Variants in ERCC6L2 observed in about 807,000 individuals in gnomAD.
ERCC6L2 encodes DNA excision repair protein ERCC-6-like 2.
A neutral mutation model predicts 132.0 loss-of-function variants in ERCC6L2; 77 were observed. The ratio of observed to expected loss-of-function variants is 0.58; its 90% CI spans 0.49 to 0.71. The LOEUF (loss-of-function observed/expected upper bound fraction) is 0.71. ERCC6L2 is among the 30% of genes least tolerant of loss of function. The pLI is 0.00. For synonymous variants in ERCC6L2, 583 were observed against 632.4 expected, an observed-to-expected ratio of 0.92 and a Z score of 1.17; for missense variants, 1,542 against 1,837.6, an observed-to-expected ratio of 0.84 and a Z score of 2.94.
intron 3 of ERCC6L2, among the ~76,000 whole-genome samples, chr9:95,903,286 G>A (rs1282658728): frequency 6.6e-6 from 1 of 152,014 alleles, no homozygotes; most frequent in Non-Finnish European, 1.5e-5. Flanking sequence ...ATTTCTAGAC[G>A]TATTATTCTG....
chr9:95,900,478 G>T (rs912136488), intron 3 of ERCC6L2, among the ~76,000 whole-genome samples: 1 of 151,910 alleles, frequency 6.6e-6, no homozygotes, highest in Non-Finnish European at 1.5e-5. Flanking sequence ...TAAATTATCT[G>T]TGGCCCTAAT....
At chr9:95,923,470 T>G (rs777163187) in intron 9 of ERCC6L2, 91 bp downstream of exon 9, 67 of 1,430,092 alleles carry the variant, frequency 4.7e-5, no homozygotes, top group Non-Finnish European at 6.2e-5. Context: ...TCAGAACAGG[T>G]GCTCAGTCAT....
intron 13 of ERCC6L2, among the ~76,000 whole-genome samples, chr9:95,965,394 G>T (rs1226125468): frequency 6.6e-6 from 1 of 152,138 alleles, no homozygotes; most frequent in Admixed American, 6.6e-5. Context: ...GAAATAAAAT[G>T]CTATACATGT....
intron 2 of ERCC6L2, among the ~76,000 whole-genome samples, chr9:95,894,523 T>C (rs1301635703): frequency 2.6e-5 from 4 of 151,920 alleles, no homozygotes; most frequent in Non-Finnish European, 5.9e-5. Context: ...AAAGAACATA[T>C]TCTGTATGGT....
Position 96,012,414 on chromosome 9 carries a change from AG to A in ERCC6L2, c.3866del (p.Gly1289GlufsTer16), listed in dbSNP as rs1481727747. 1 of 1,362,178 alleles carries A rather than the reference AG, an allele frequency of 7.3e-7. No individual in the cohort carries two copies. The highest frequency in any genetic ancestry group is 1.5e-5 in the African/African-American group (1 of 67,660). 84.4% of individuals were successfully genotyped at this position (1,362,178 alleles called of 1,614,324 possible). A position where few individuals can be genotyped will look rare whatever the true frequency, so the allele number is the denominator to read the frequency against. On this transcript the variant is annotated frameshift_variant, in exon 19 of 19. Coordinates refer to ENST00000653738, the MANE Select transcript of ERCC6L2 (RefSeq NM_020207.7). LOFTEE classifies it low-confidence loss of function (END_TRUNC). ...AATTCAACAATTCTTCCTTTGAGAA[AG>A]GAGAGCAGCGCACCCGGAAGAAATC... ...SQFNNSSFEK[G>X]EQRTRKKSDK...
Position 95,945,200 on chromosome 9 carries a change from CT to C in ERCC6L2, c.1847+3652del, listed in dbSNP as rs200859424. On this transcript the variant is annotated intron_variant, in intron 12 of 18. Transcript: ENST00000653738. ...AGAGGCCTACCCTCAGGGATGCATT[CT>C]CTTTCTCAGGGATGTTCCTTGCTGA... Among the ~76,000 whole-genome samples the C allele has an allele frequency of 5.7e-3, 861 of 152,296 alleles. 20 individuals carry two copies. In the East Asian group the frequency reaches 0.092, roughly 16 times the overall value.
chr9:96,038,870 T>C (rs758334479), intron 19 of ERCC6L2: 2 of 456,316 alleles, frequency 4.4e-6, no homozygotes, highest in South Asian at 3.1e-5. Context: ...TGACTTCTGA[T>C]TCCAGGTCAC....
chr9:95,946,733 C>T (rs528586294), intron 12 of ERCC6L2, among the ~76,000 whole-genome samples: 2 of 152,258 alleles, frequency 1.3e-5, no homozygotes, highest in East Asian at 3.9e-4. Context: ...GCAAGTCTTC[C>T]AGCACCATTT....
chr9:95,909,802 C>G (rs1004176244), intron 4 of ERCC6L2, among the ~76,000 whole-genome samples: 3 of 152,110 alleles, frequency 2.0e-5, no homozygotes, highest in African/African-American at 4.8e-5. Flanking sequence ...TTTCATTTCT[C>G]TTGGAGTAGA....
intron 13 of ERCC6L2, among the ~76,000 whole-genome samples, chr9:95,965,559 A>G (rs1031581677): frequency 2.0e-5 from 3 of 152,002 alleles, no homozygotes; most frequent in African/African-American, 7.2e-5. Flanking sequence ...CCCAGGCTGG[A>G]GTGCAGTGGC....
chr9:95,901,330 T>C (rs1487413619), intron 3 of ERCC6L2, among the ~76,000 whole-genome samples: 1 of 152,170 alleles, frequency 6.6e-6, no homozygotes, highest in African/African-American at 2.4e-5. Context: ...GAAATTTCCA[T>C]GAGCCCTAAC....
intron 19 of ERCC6L2, among the ~76,000 whole-genome samples, chr9:96,026,215 C>T (rs1161141244): frequency 2.0e-5 from 3 of 152,180 alleles, no homozygotes; most frequent in African/African-American, 7.2e-5. Flanking sequence ...GGCATGACCG[C>T]GCCACCGTTG....
chr9:95,915,748 C>A lies in ERCC6L2; in HGVS notation c.869C>A (p.Ala290Asp), dbSNP rs773122901. 1 of 1,613,922 alleles carries A rather than the reference C, an allele frequency of 6.2e-7. No homozygotes were observed. The highest frequency in any genetic ancestry group is 1.7e-5 in the Admixed American group (1 of 60,002). ...PKARVTEVMK[A>D]LKCNVRIGLT... ...GCTAGAGTAACAGAAGTTATGAAAG[C>A]TTTGAAATGTAATGTCCGCATTGGC... Residue 290 changes from alanine (A) to aspartate (D), a missense_variant, in exon 5 of 19, where the codon GCT becomes GAT. By Grantham distance (126) the Ala-to-Asp change is moderately radical. This residue lies in a region of ERCC6L2 where 945 missense variants were observed against 1,105.2 expected (regional missense o/e 0.86). Transcript: ENST00000653738.
rs76905241 is a variant in ERCC6L2 at position 95,988,642 on chromosome 9, G to C, written c.3492+10427G>C. 5.7e-3 allele frequency among the ~76,000 whole-genome samples: 864 copies of C among 152,144 alleles called. 21 individuals carry two copies. The East Asian group carries it at 0.092, about 16-fold the overall frequency. On this transcript the variant is annotated intron_variant, in intron 17 of 18. Transcript: ENST00000653738. Reference sequence around the variant, plus strand: ...GAAATTTAATTTTCTTTGTTGTTGAGTGGGAAAAAAAATCACCCTGTTTTT... The same window carrying C: ...GAAATTTAATTTTCTTTGTTGTTGACTGGGAAAAAAAATCACCCTGTTTTT...
intron 19 of ERCC6L2, among the ~76,000 whole-genome samples, chr9:96,028,999 A>G (rs1834417562): frequency 6.6e-6 from 1 of 152,092 alleles, no homozygotes; most frequent in Non-Finnish European, 1.5e-5. Context: ...AAACTAACCT[A>G]TGTTGTTAGA....
In ERCC6L2 at chr9:95,961,119, C is replaced by G. The variant is rs566572296; in HGVS notation, c.1947+5106C>G. ...GCATCTGTTTTGAGTCCATTGCACC[C>G]CTTCCCCTCAAAAGATAGGTTGAAG... On this transcript the variant is annotated intron_variant, in intron 13 of 18. Transcript: ENST00000653738. Among the ~76,000 whole-genome samples the G allele has an allele frequency of 2.6e-5, 4 of 152,218 alleles. No individual in the cohort carries two copies. The East Asian group carries it at 7.7e-4, about 29-fold the overall frequency.
Position 96,012,844 on chromosome 9 carries a change from A to G in ERCC6L2, c.4294A>G (p.Asn1432Asp), listed in dbSNP as rs34949533. ...NKKIENPVLE[N>D]TSVISLLGDT... ...AAAGATAGAAAATCCAGTGCTGGAA[A>G]ATACTTCTGTGATAAGCTTACTTGG... Residue 1432 changes from asparagine (N) to aspartate (D), a missense_variant, in exon 19 of 19, where the codon AAT becomes GAT. Transcript: ENST00000653738. 1,201 of 1,367,634 alleles carry G rather than the reference A, an allele frequency of 8.8e-4. 9 individuals carry two copies. In the African/African-American group the frequency reaches 0.014, roughly 16 times the overall value. 84.7% of individuals were successfully genotyped at this position (1,367,634 alleles called of 1,614,324 possible).
Position 95,972,317 on chromosome 9 carries a change from A to C in ERCC6L2, c.2566A>C (p.Asn856His). The change falls in exon 16 of 19, where the codon AAT becomes CAT. Residue 856 changes from asparagine (N) to histidine (H), a missense_variant. This residue lies in a region of ERCC6L2 where 945 missense variants were observed against 1,105.2 expected (regional missense o/e 0.86). Coordinates refer to ENST00000653738, the MANE Select transcript of ERCC6L2 (RefSeq NM_020207.7). ...SKHQKLDNIL[N>H]PKEKHIFYKS... ...ACATCAGAAATTAGATAACATCCTAAATCCAAAAGAAAAGCATATTTTTTA... is the reference window on the plus strand; with the variant it reads ...ACATCAGAAATTAGATAACATCCTACATCCAAAAGAAAAGCATATTTTTTA... The C allele has an allele frequency of 7.7e-7, 1 of 1,293,296 alleles. No homozygotes were observed. The highest frequency in any genetic ancestry group is 1.0e-6 in the Non-Finnish European group (1 of 985,936). The allele number at this position is 1,293,296 out of a possible 1,614,324, so 80.1% of individuals were successfully genotyped here. A position where few individuals can be genotyped will look rare whatever the true frequency, so the allele number is the denominator to read the frequency against.
chr9:95,927,518 A>G (rs1830152913), intron 9 of ERCC6L2, among the ~76,000 whole-genome samples: 1 of 152,160 alleles, frequency 6.6e-6, no homozygotes, highest in East Asian at 1.9e-4. Flanking sequence ...GATTACTGGC[A>G]TTTTGAGGTC....
Sources: allele counts gnomAD v4.1 joint callset (sites outside exome capture counted in the v4.1 genomes callset), GRCh38; gene constraint gnomAD v4.1.1; regional missense constraint gnomAD v4.1.1; transcripts MANE v1.5; gene names NCBI Gene and HGNC (gene_info 2026-07-23, HGNC 2026-07-21).